THADA: variants seen among roughly 807,000 people sequenced by gnomAD.
THADA encodes tRNA (32-2'-O)-methyltransferase regulator THADA.
Under a neutral mutation model 219.8 loss-of-function variants are expected in THADA, and 213 were observed. The observed-to-expected ratio is 0.97, with a 90% CI of 0.87 to 1.09. The LOEUF (loss-of-function observed/expected upper bound fraction) is 1.09. THADA is among the 50% of genes least tolerant of loss of function. THADA has a pLI of 0.00. For synonymous variants in THADA, 1,018 were observed against 828.9 expected, an observed-to-expected ratio of 1.23 and a Z score of -3.92; for missense variants, 2,956 against 2,311.3, an observed-to-expected ratio of 1.28 and a Z score of -5.72.
chr2:43,237,071 C>CA (rs35242458), intron 36 of THADA, among the ~76,000 whole-genome samples: 2,016 of 77,860 alleles, frequency 0.026, 27 homozygotes, highest in African/African-American at 0.043. Context: ...GACTCTGTCT[C>CA]AAAAAAAAAA....
intron 29 of THADA, among the ~76,000 whole-genome samples, chr2:43,351,047 C>G (rs1298168055): frequency 1.3e-5 from 2 of 152,160 alleles, no homozygotes; most frequent in African/African-American, 4.8e-5. Flanking sequence ...TCCATCCCCT[C>G]CTTTCTATTA....
chr2:43,495,716 G>A (rs115169195), intron 25 of THADA, among the ~76,000 whole-genome samples: 295 of 152,172 alleles, frequency 1.9e-3, no homozygotes, highest in Non-Finnish European at 3.4e-3. Flanking sequence ...GTCCTTTCAC[G>A]GAAAATATTT....
intron 28 of THADA, among the ~76,000 whole-genome samples, chr2:43,414,442 G>C (rs1221308161): frequency 6.6e-6 from 1 of 152,248 alleles, no homozygotes; most frequent in African/African-American, 2.4e-5. Flanking sequence ...CTAGGTATTC[G>C]AAGTCAGAGT....
chr2:43,327,058 G>A (rs931196759), intron 30 of THADA, among the ~76,000 whole-genome samples: 3 of 152,146 alleles, frequency 2.0e-5, no homozygotes, highest in African/African-American at 7.2e-5. Context: ...ATCTTGTTGG[G>A]GGAGGGGTAT....
chr2:43,586,123 G>A (rs1462563021), intron 7 of THADA, among the ~76,000 whole-genome samples: 1 of 151,874 alleles, frequency 6.6e-6, no homozygotes, highest in African/African-American at 2.4e-5. Flanking sequence ...AAACTATCTG[G>A]GTGTGGTGGT....
intron 34 of THADA, among the ~76,000 whole-genome samples, chr2:43,288,741 C>A (rs755107682): frequency 2.6e-5 from 4 of 152,184 alleles, no homozygotes; most frequent in Non-Finnish European, 5.9e-5. Context: ...CATTGGACAT[C>A]GGTGATCAAC....
chr2:43,518,381 C>G (rs10189235), intron 22 of THADA, among the ~76,000 whole-genome samples: 17,611 of 152,142 alleles, frequency 0.12, 1,178 homozygotes, highest in African/African-American at 0.18. Context: ...TCCTGTAACA[C>G]GTACAAACAC....
intron 23 of THADA, among the ~76,000 whole-genome samples, chr2:43,506,159 G>T (rs1298724255): frequency 1.3e-5 from 2 of 152,174 alleles, no homozygotes; most frequent in African/African-American, 4.8e-5. Context: ...ATTCTTGTAA[G>T]AATGTTAAGC....
chr2:43,537,908 C>A (rs1163305272), intron 21 of THADA, among the ~76,000 whole-genome samples: 2 of 146,744 alleles, frequency 1.4e-5, no homozygotes, highest in East Asian at 4.0e-4. Context: ...CCACAGCACT[C>A]TAGCTTGGGC....
chr2:43,376,605 T>C (rs1671408756), intron 29 of THADA, among the ~76,000 whole-genome samples: 1 of 152,206 alleles, frequency 6.6e-6, no homozygotes, highest in Admixed American at 6.5e-5. Flanking sequence ...AGACTCTTAC[T>C]AGGTTTCTGA....
Position 43,511,593 on chromosome 2 carries a change from TAC to T in THADA, c.3375-2815_3375-2814del, listed in dbSNP as rs201263579. Reference sequence around the variant, plus strand: ...TCTAACCTTAACTTTTCCAAGTTCCTACACAAACTCCTCTGGTCTAGTAAGAC... The same window carrying T: ...TCTAACCTTAACTTTTCCAAGTTCCTACAAACTCCTCTGGTCTAGTAAGAC... On this transcript the variant is annotated intron_variant, in intron 22 of 37. Transcript: ENST00000405975. 5.3e-5 allele frequency among the ~76,000 whole-genome samples: 8 copies of T among 152,324 alleles called. No homozygotes were observed. The East Asian group carries it at 1.5e-3, about 29-fold the overall frequency.
At chr2:43,360,585 C>T (rs1034555947) in intron 29 of THADA, among the ~76,000 whole-genome samples, 1 of 152,226 alleles carries the variant, frequency 6.6e-6, no homozygotes, top group Middle Eastern at 3.2e-3. Flanking sequence ...TCTAAACCTA[C>T]TTCAGCTCAA....
chr2:43,373,481 CTT>C (rs36010243), intron 29 of THADA, among the ~76,000 whole-genome samples: 2 of 146,960 alleles, frequency 1.4e-5, no homozygotes, highest in Non-Finnish European at 1.5e-5. Flanking sequence ...CAGTTGTTAA[CTT>C]TTTTTTTTTT....
intron 28 of THADA, among the ~76,000 whole-genome samples, chr2:43,423,325 CTCCTCA>C (rs1240021094): frequency 2.0e-5 from 3 of 152,156 alleles, no homozygotes; most frequent in Non-Finnish European, 2.9e-5. Context: ...CTTTCCCTAT[CTCCTCA>C]AAAGAATTTT....
intron 25 of THADA, among the ~76,000 whole-genome samples, chr2:43,497,745 T>G (rs371121581): frequency 2.0e-5 from 3 of 152,052 alleles, no homozygotes; most frequent in South Asian, 2.1e-4. Context: ...ATTAGCTGGG[T>G]GTGGTGGCAT....
intron 28 of THADA, among the ~76,000 whole-genome samples, chr2:43,403,221 T>G (rs141781737): frequency 6.6e-6 from 1 of 152,176 alleles, no homozygotes; most frequent in East Asian, 1.9e-4. Flanking sequence ...TGCCTCAAAA[T>G]CCCCAGAGCC....
At chr2:43,386,860 T>C (rs1672750767) in intron 29 of THADA, among the ~76,000 whole-genome samples, 1 of 147,736 alleles carries the variant, frequency 6.8e-6, no homozygotes, top group Non-Finnish European at 1.5e-5. Context: ...AGCATGCCAC[T>C]GCACTCTCGC....
At chr2:43,446,273 T>A (rs1449303217) in intron 26 of THADA, among the ~76,000 whole-genome samples, 1 of 152,254 alleles carries the variant, frequency 6.6e-6, no homozygotes, top group Non-Finnish European at 1.5e-5. Context: ...CTATCGTTCC[T>A]TATATGTAAG....
rs1672054462 is a variant in THADA, at chr2:43,271,001, T to A, written c.5296+8764A>T. 2.0e-5 allele frequency among the ~76,000 whole-genome samples: 3 copies of A among 152,130 alleles called. No homozygotes were observed. In the South Asian group the frequency reaches 6.2e-4, roughly 32 times the overall value. On this transcript the variant is annotated intron_variant, in intron 36 of 37. Coordinates refer to ENST00000405975, the MANE Select transcript of THADA (RefSeq NM_022065.5). The stretch of plus-strand genomic sequence containing the variant: ...TTCCCCTGTCCCCCCACTGGCCTGC[T>A]CAGAGTGGGAAAGAGCAGACGGGGC...
Sources: allele counts gnomAD v4.1 joint callset (sites outside exome capture counted in the v4.1 genomes callset), GRCh38; gene constraint gnomAD v4.1.1; transcripts MANE v1.5; gene names NCBI Gene and HGNC (gene_info 2026-07-23, HGNC 2026-07-21).